The following BCAS4 variants were observed in gnomAD, a reference collection of about 807,000 sequenced individuals.
The protein encoded by BCAS4 is breast carcinoma-amplified sequence 4.
A neutral mutation model predicts 15.7 loss-of-function variants in BCAS4; 9 were observed. The ratio of observed to expected loss-of-function variants is 0.57; its 90% CI spans 0.34 to 1.00. The LOEUF (loss-of-function observed/expected upper bound fraction) is 1.00, where lower values mean the gene tolerates loss of function less well. BCAS4 is among the 50% of genes least tolerant of loss of function. The pLI is 0.02. For synonymous variants in BCAS4, 101 were observed against 99.5 expected (o/e 1.02, Z -0.09); for missense variants, 225 against 239.1 (o/e 0.94, Z 0.39).
intron 4 of BCAS4, among the ~76,000 whole-genome samples, chr20:50,845,997 C>T (rs1232879109): frequency 1.3e-5 from 2 of 152,236 alleles, no homozygotes; most frequent in Non-Finnish European, 2.9e-5. Flanking sequence ...CGATCCCCCT[C>T]AGCCAGCTTT....
intron 4 of BCAS4, chr20:50,876,216 G>A (rs1490239572): frequency 2.4e-6 from 1 of 424,206 alleles, no homozygotes; most frequent in South Asian, 2.0e-5. Context: ...CTCCCAAAGT[G>A]CTGGGATTAC....
At chr20:50,855,480 C>T (rs761043911) in intron 4 of BCAS4, among the ~76,000 whole-genome samples, 4 of 152,248 alleles carry the variant, frequency 2.6e-5, no homozygotes, top group Non-Finnish European at 5.9e-5. Flanking sequence ...CCCCTGTCCC[C>T]CAGGCCACAA....
At chr20:50,800,336 T>G (rs185419913) in intron 1 of BCAS4, among the ~76,000 whole-genome samples, 94 of 150,400 alleles carry the variant, frequency 6.3e-4, no homozygotes, top group East Asian at 5.9e-4. Flanking sequence ...AGGGGGTTTT[T>G]GGGGGATGGA....
At chr20:50,878,202 C>A (rs966549412), downstream of BCAS4, 1 of 152,178 alleles carries the variant, frequency 6.6e-6, no homozygotes, top group African/African-American at 2.4e-5. Flanking sequence ...TGGAGTCTCA[C>A]TCTGTCACCC....
chr20:50,796,474 TATATATATA>T (rs2087861234), intron 1 of BCAS4, among the ~76,000 whole-genome samples: 15 of 13,504 alleles, frequency 1.1e-3, no homozygotes, highest in African/African-American at 3.8e-3. Context: ...TATATATATA[TATATATATA>T]TATATTTTTT....
At chr20:50,868,646 CT>C (rs1979478951) in intron 4 of BCAS4, among the ~76,000 whole-genome samples, 4 of 152,180 alleles carry the variant, frequency 2.6e-5, no homozygotes, top group African/African-American at 4.8e-5. Flanking sequence ...TGGCCTTGAA[CT>C]CTTGGACTCA....
chr20:50,806,782 G>T (rs1057129498), intron 1 of BCAS4, among the ~76,000 whole-genome samples: 1 of 151,630 alleles, frequency 6.6e-6, no homozygotes, highest in South Asian at 2.1e-4. Flanking sequence ...GGCATGCAAG[G>T]TGAAATGAGC....
At chr20:50,831,108 G>A (rs952404570) in intron 3 of BCAS4, among the ~76,000 whole-genome samples, 1 of 152,002 alleles carries the variant, frequency 6.6e-6, no homozygotes, top group African/African-American at 2.4e-5. Flanking sequence ...TCCAGCCCCT[G>A]GGTTGCATTC....
chr20:50,862,750 A>G (rs1979150915), intron 4 of BCAS4, among the ~76,000 whole-genome samples: 1 of 150,944 alleles, frequency 6.6e-6, no homozygotes, highest in South Asian at 2.1e-4. Context: ...TAGGGAAGGA[A>G]TTTCTCCAGG....
At chr20:50,844,615 C>T (rs2088520725) in intron 4 of BCAS4, among the ~76,000 whole-genome samples, 1 of 152,100 alleles carries the variant, frequency 6.6e-6, no homozygotes, top group Admixed American at 6.6e-5. Context: ...GCTAGTGTTC[C>T]CATTTACAGA....
At chr20:50,838,144 C>CTCAT (rs1181423346) in intron 3 of BCAS4, among the ~76,000 whole-genome samples, 1 of 152,246 alleles carries the variant, frequency 6.6e-6, no homozygotes, top group Admixed American at 6.5e-5. Context: ...CACTCACTCA[C>CTCAT]TCATTCACTC....
intron 1 of BCAS4, among the ~76,000 whole-genome samples, chr20:50,808,702 AT>A (rs756121746): frequency 3.0e-4 from 45 of 148,708 alleles, no homozygotes; most frequent in Admixed American, 1.8e-3. Context: ...TTTTGATGGG[AT>A]TTTTTTTTTC....
intron 1 of BCAS4, among the ~76,000 whole-genome samples, chr20:50,801,167 C>T (rs1236003729): frequency 6.6e-6 from 1 of 152,090 alleles, no homozygotes; most frequent in African/African-American, 2.4e-5. Flanking sequence ...TGGCTCATGC[C>T]TGTAATTCTA....
intron 4 of BCAS4, among the ~76,000 whole-genome samples, chr20:50,843,265 T>G (rs2088505495): frequency 6.6e-6 from 1 of 152,134 alleles, no homozygotes; most frequent in Non-Finnish European, 1.5e-5. Flanking sequence ...CCTTATTGAG[T>G]GCTTACAAGG....
intron 4 of BCAS4, among the ~76,000 whole-genome samples, chr20:50,853,860 G>A (rs1387293856): frequency 7.3e-6 from 1 of 137,374 alleles, no homozygotes; most frequent in Non-Finnish European, 1.5e-5. Context: ...TAGATGTTTT[G>A]TATACTCGGG....
At chr20:50,834,158 C>G (rs995136989) in intron 3 of BCAS4, among the ~76,000 whole-genome samples, 6 of 152,120 alleles carry the variant, frequency 3.9e-5, no homozygotes, top group Non-Finnish European at 7.4e-5. Flanking sequence ...AGAGGGATTG[C>G]AGCTGCTGTA....
At chr20:50,827,034 A>G (rs1211386865) in intron 2 of BCAS4, among the ~76,000 whole-genome samples, 2 of 152,182 alleles carry the variant, frequency 1.3e-5, no homozygotes. Context: ...AAACAAAAAA[A>G]ACGAAGAAAC....
chr20:50,876,442 G>C, intron 4 of BCAS4, 44 bp from the exon 5 acceptor site: 1 of 1,606,718 alleles, frequency 6.2e-7, no homozygotes, highest in Non-Finnish European at 8.5e-7. Context: ...CATGGAACAA[G>C]TGGATCCAAA....
intron 1 of BCAS4, among the ~76,000 whole-genome samples, chr20:50,802,845 G>A (rs952691088): frequency 2.0e-4 from 30 of 152,262 alleles, no homozygotes; most frequent in African/African-American, 6.3e-4. Flanking sequence ...CTGCACTCCA[G>A]CCTGGGTGAC....
Sources: allele counts gnomAD v4.1 joint callset (sites outside exome capture counted in the v4.1 genomes callset), GRCh38; gene constraint gnomAD v4.1.1; transcripts MANE v1.5; gene names NCBI Gene and HGNC (gene_info 2026-07-23, HGNC 2026-07-21).